The following EBF2 variants were observed in gnomAD, a reference collection of about 807,000 sequenced individuals.
EBF2 encodes EBF transcription factor 2.
EBF2 carries 21 observed loss-of-function variants against 72.8 expected under a neutral mutation model. The observed-to-expected ratio is 0.29, with a 90% CI of 0.20 to 0.42. The LOEUF (loss-of-function observed/expected upper bound fraction) is 0.42, where lower values mean the gene tolerates loss of function less well. Ranked by LOEUF, EBF2 falls within the 10% of genes least tolerant of loss-of-function variation. The pLI is 1.00. For synonymous variants in EBF2, 299 were observed against 274.2 expected (o/e 1.09, Z -0.89); for missense variants, 637 against 731.2 (o/e 0.87, Z 1.49).
intron 2 of EBF2, among the ~76,000 whole-genome samples, chr8:26,041,771 G>A (rs1805604469): frequency 6.6e-6 from 1 of 152,178 alleles, no homozygotes; most frequent in Non-Finnish European, 1.5e-5. Flanking sequence ...AATTAACCCA[G>A]AGAAGGGGAG....
chr8:25,841,866 G>T lies in EBF2; in HGVS notation c.*2743C>A, dbSNP rs1184490957. ...AACAAAAAAGCTGTCTTTACAAAAA[G>T]CTCTGTGCATAGCAACTTTATACTG... On this transcript the variant is annotated 3_prime_UTR_variant, in exon 16 of 16. Transcript: ENST00000520164. The T allele has an allele frequency of 2.6e-5, 4 of 152,202 alleles. No individual in the cohort carries two copies. Among genetic ancestry groups the T allele is most frequent in the Non-Finnish European group, 5.9e-5 (4 of 68,000 alleles). The allele number at this position is 152,202 out of a possible 1,614,324, so 9.4% of individuals were successfully genotyped here.
At chr8:25,932,138 C>A (rs1001497319) in intron 6 of EBF2, among the ~76,000 whole-genome samples, 3 of 152,044 alleles carry the variant, frequency 2.0e-5, no homozygotes, top group African/African-American at 7.2e-5. Context: ...AGGCAGAAGA[C>A]CTGGGTTCTA....
intron 6 of EBF2, among the ~76,000 whole-genome samples, chr8:26,007,148 G>T (rs1385478714): frequency 6.6e-6 from 1 of 152,156 alleles, no homozygotes; most frequent in African/African-American, 2.4e-5. Context: ...GAGCCATGTT[G>T]CTTCAGTGAA....
chr8:25,912,683 G>C (rs1319153941), intron 6 of EBF2, among the ~76,000 whole-genome samples: 1 of 152,128 alleles, frequency 6.6e-6, no homozygotes, highest in Non-Finnish European at 1.5e-5. Context: ...ATTGTGCTCT[G>C]TGTGCCAGAA....
chr8:25,884,917 C>T (rs12547663), intron 10 of EBF2, among the ~76,000 whole-genome samples: 2,152 of 152,188 alleles, frequency 0.014, 114 homozygotes, highest in Admixed American at 0.095. Flanking sequence ...GGAATCAGAG[C>T]GCAAATGAGA....
Position 25,877,422 on chromosome 8 carries a change from C to T in EBF2, c.1009+9333G>A, listed in dbSNP as rs898014402. 4.6e-5 allele frequency among the ~76,000 whole-genome samples: 7 copies of T among 152,208 alleles called. No homozygotes were observed. The East Asian group carries it at 7.7e-4, about 17-fold the overall frequency. On this transcript the variant is annotated intron_variant, in intron 10 of 15. Coordinates refer to ENST00000520164, the MANE Select transcript of EBF2 (RefSeq NM_022659.4). ...TAATGAGCCCTGTTCTCACGTGGCTCTCTCAATTGCGCAGAAGCAAGTTGC... is the reference window on the plus strand; with the variant it reads ...TAATGAGCCCTGTTCTCACGTGGCTTTCTCAATTGCGCAGAAGCAAGTTGC...
chr8:26,041,420 AG>A (rs2117267156), intron 2 of EBF2: 1 of 210,820 alleles, frequency 4.7e-6, no homozygotes, highest in Non-Finnish European at 9.6e-6. Flanking sequence ...CTATCCCGCG[AG>A]GACTGCGCAC....
chr8:26,044,076 C>T lies in EBF2; in HGVS notation c.131+653G>A, dbSNP rs372299169. Among the ~76,000 whole-genome samples the T allele has an allele frequency of 6.6e-6, 1 of 152,210 alleles. No individual in the cohort carries two copies. The highest frequency in any genetic ancestry group is 2.4e-5 in the African/African-American group (1 of 41,450). On this transcript the variant is annotated intron_variant, in intron 1 of 15. Coordinates refer to ENST00000520164, the MANE Select transcript of EBF2 (RefSeq NM_022659.4). The surrounding 1 kb of genome is among the most constrained non-coding windows in gnomAD (Gnocchi z 4.1). ...CTACTGTGACTCAGTATTTTCTCTT[C>T]TTTTAAATCTCTTCTTTTCTCCAGT...
chr8:25,892,539 C>T (rs537706996), intron 7 of EBF2, among the ~76,000 whole-genome samples: 1 of 152,308 alleles, frequency 6.6e-6, no homozygotes, highest in African/African-American at 2.4e-5. Flanking sequence ...CATCCTACCC[C>T]CACCACCAGC....
intron 6 of EBF2, among the ~76,000 whole-genome samples, chr8:25,919,724 CG>C (rs1488060362): frequency 2.0e-5 from 3 of 152,166 alleles, no homozygotes; most frequent in Admixed American, 2.0e-4. Flanking sequence ...TGGCCAAAGC[CG>C]GGAGCAGATG....
At chr8:26,005,970 C>G (rs1289802200) in intron 6 of EBF2, among the ~76,000 whole-genome samples, 1 of 152,072 alleles carries the variant, frequency 6.6e-6, no homozygotes, top group African/African-American at 2.4e-5. Context: ...CAGCATGTCT[C>G]CATTGGAACT....
chr8:26,044,885 G>C lies in EBF2; in HGVS notation c.-26C>G, dbSNP rs771308872. 6.2e-7 allele frequency: 1 copy of C among 1,611,358 alleles called. No homozygotes were observed. Among genetic ancestry groups the C allele is most frequent in the Non-Finnish European group, 8.5e-7 (1 of 1,178,422 alleles). On this transcript the variant is annotated 5_prime_UTR_variant, in exon 1 of 16. Transcript: ENST00000520164. The surrounding 1 kb of genome is among the most constrained non-coding windows in gnomAD (Gnocchi z 4.1). ...TTAAAAAGTCTGATCCTCTACTGTC[G>C]CTTTAAAAGTAAGAGTTACAACACA...
chr8:26,035,098 T>C (rs1265293526), intron 5 of EBF2, among the ~76,000 whole-genome samples: 1 of 151,888 alleles, frequency 6.6e-6, no homozygotes, highest in Non-Finnish European at 1.5e-5. Flanking sequence ...AGGGAAGTCA[T>C]GTGACAGCAG....
At chr8:25,921,709 T>C (rs1233873737) in intron 6 of EBF2, among the ~76,000 whole-genome samples, 1 of 152,256 alleles carries the variant, frequency 6.6e-6, no homozygotes, top group East Asian at 1.9e-4. Context: ...TTGCATTTTG[T>C]GCTAACTCTG....
intron 6 of EBF2, among the ~76,000 whole-genome samples, chr8:25,958,846 T>C (rs1803991282): frequency 6.6e-6 from 1 of 152,192 alleles, no homozygotes; most frequent in South Asian, 2.1e-4. Flanking sequence ...GTAGGTCTAG[T>C]TTTATTATGA....
intron 6 of EBF2, among the ~76,000 whole-genome samples, chr8:25,982,568 C>T (rs1338905252): frequency 1.3e-5 from 2 of 148,944 alleles, no homozygotes; most frequent in African/African-American, 5.2e-5. Flanking sequence ...AAAGAAACTT[C>T]TATCTAAAAG....
At chr8:25,970,934 G>A (rs189869849) in intron 6 of EBF2, among the ~76,000 whole-genome samples, 300 of 152,278 alleles carry the variant, frequency 2.0e-3, no homozygotes, top group African/African-American at 6.9e-3. Flanking sequence ...CTGGGCTCAA[G>A]CAACCCTCCC....
intron 7 of EBF2, among the ~76,000 whole-genome samples, chr8:25,896,950 C>A (rs1366052258): frequency 6.6e-6 from 1 of 152,160 alleles, no homozygotes; most frequent in Non-Finnish European, 1.5e-5. Context: ...TATGGGACTC[C>A]AGAGTCTCCA....
chr8:25,889,841 T>A lies in EBF2; in HGVS notation c.662A>T (p.Asp221Val). The stretch of plus-strand genomic sequence containing the variant: ...GTCAGAAACAGCCAGGACGTGTCCA[T>A]CCACATTCACCGTTGTTGACAACAC... ...QVVLSTTVNV[D>V]GHVLAVSDNM... Residue 221 changes from aspartate to valine, a missense_variant, in exon 8 of 16, where the codon GAT (aspartate) becomes GTT (valine). Transcript: ENST00000520164. 6.2e-7 allele frequency: 1 copy of A among 1,613,946 alleles called. No homozygotes were observed. Among genetic ancestry groups the A allele is most frequent in the Non-Finnish European group, 8.5e-7 (1 of 1,179,902 alleles).
Sources: allele counts gnomAD v4.1 joint callset (sites outside exome capture counted in the v4.1 genomes callset), GRCh38; gene constraint gnomAD v4.1.1; non-coding constraint Gnocchi (gnomAD v3.1); transcripts MANE v1.5; gene names NCBI Gene and HGNC (gene_info 2026-07-23, HGNC 2026-07-21).